Variants in IKBKB observed in about 807,000 individuals in gnomAD.
The protein encoded by IKBKB is inhibitor of nuclear factor kappa-B kinase subunit beta.
In IKBKB, 42 loss-of-function variants were observed where a neutral mutation model predicts 113.6. The observed-to-expected ratio is 0.37, with a 90% CI of 0.29 to 0.48. IKBKB has a LOEUF of 0.48. Ranked by LOEUF, IKBKB falls within the 20% of genes least tolerant of loss-of-function variation. The pLI is 0.99. For synonymous variants in IKBKB, 296 were observed against 361.3 expected (o/e 0.82, Z 2.05); for missense variants, 673 against 939.7 (o/e 0.72, Z 3.71).
intron 2 of IKBKB, among the ~76,000 whole-genome samples, chr8:42,283,804 T>A (rs1810831772): frequency 6.6e-6 from 1 of 152,240 alleles, no homozygotes; most frequent in African/African-American, 2.4e-5. Context: ...GTATTGAAGT[T>A]ACGTTGCTGC....
chr8:42,290,784 T>C (rs1812459118), intron 4 of IKBKB, among the ~76,000 whole-genome samples: 1 of 152,114 alleles, frequency 6.6e-6, no homozygotes, highest in Non-Finnish European at 1.5e-5. Context: ...ATCCATCCGA[T>C]CCACCTGACC....
At chr8:42,298,536 C>G (rs1167730780) in intron 5 of IKBKB, 2 of 928,374 alleles carry the variant, frequency 2.2e-6, no homozygotes, top group African/African-American at 3.6e-5. Context: ...CCATTGCATG[C>G]ATCCATCTGA....
chr8:42,300,273 T>C (rs371705197), intron 5 of IKBKB, among the ~76,000 whole-genome samples: 2 of 152,096 alleles, frequency 1.3e-5, no homozygotes, highest in African/African-American at 4.8e-5. Context: ...AGGCAGTAGG[T>C]TTTACTGAGG....
intron 5 of IKBKB, among the ~76,000 whole-genome samples, chr8:42,301,478 T>C (rs543495403): frequency 6.6e-6 from 1 of 152,374 alleles, no homozygotes; most frequent in African/African-American, 2.4e-5. Flanking sequence ...ACAGTGATAC[T>C]GAACCAAGCT....
At chr8:42,314,581 C>A (rs1585749231) in intron 9 of IKBKB, 152 bp downstream of exon 9, 1 of 610,660 alleles carries the variant, frequency 1.6e-6, no homozygotes, top group East Asian at 3.1e-5. Context: ...TCAAGACCAG[C>A]CTGGCCAACA....
intron 2 of IKBKB, among the ~76,000 whole-genome samples, chr8:42,285,067 G>A (rs1811147674): frequency 6.6e-6 from 1 of 151,932 alleles, no homozygotes; most frequent in Admixed American, 6.6e-5. Flanking sequence ...TGTTGGCCAG[G>A]CTGGTCTCGA....
rs112094927 is a variant in IKBKB, at chr8:42,306,809, G to A, written c.567+377G>A. 4.7e-4 allele frequency among the ~76,000 whole-genome samples: 71 copies of A among 152,312 alleles called. 2 individuals are homozygous for A. Among genetic ancestry groups the A allele is most frequent in the African/African-American group, 1.5e-3 (63 of 41,568 alleles). On this transcript the variant is annotated intron_variant, in intron 7 of 21. Transcript: ENST00000520810. The stretch of plus-strand genomic sequence containing the variant: ...CAGGCAGGAGCCACTGAGCCTGGCC[G>A]AGGCCACACTTTCCATGAGGTATTT...
chr8:42,293,381 T>C, intron 4 of IKBKB, 62 bp from the exon 5 acceptor site: 3 of 1,603,594 alleles, frequency 1.9e-6, no homozygotes, highest in Non-Finnish European at 2.6e-6. Context: ...GTAAGAGACA[T>C]GTGTGGATTT....
chr8:42,321,039 TAA>T (rs1231371902), intron 16 of IKBKB, 195 bp downstream of exon 16: 13 of 481,166 alleles, frequency 2.7e-5, no homozygotes, highest in African/African-American at 2.2e-4. Context: ...AAAACAGTCT[TAA>T]GTCACGAAGT....
intron 2 of IKBKB, among the ~76,000 whole-genome samples, chr8:42,284,883 G>A (rs1811107324): frequency 7.6e-6 from 1 of 132,116 alleles, no homozygotes; most frequent in Non-Finnish European, 1.6e-5. Flanking sequence ...TTGAGACAGA[G>A]TCTCACTCTG....
At chr8:42,320,426 G>A (rs1242837517) in intron 15 of IKBKB, 1 of 283,354 alleles carries the variant, frequency 3.5e-6, no homozygotes, top group Non-Finnish European at 6.7e-6. Context: ...TGTATGCCAG[G>A]CACCATGCCA....
Position 42,306,345 on chromosome 8 carries a change from A to T in IKBKB, c.480A>T (p.Leu160Phe). The T allele has an allele frequency of 6.3e-7, 1 of 1,596,946 alleles. No individual in the cohort carries two copies. The highest frequency in any genetic ancestry group is 8.6e-7 in the Non-Finnish European group (1 of 1,164,502). Reference sequence around the variant, plus strand: ...CTTTCTCCTTCCTTTTGTTTTAGTTAATACACAAAATTATTGACCTAGGAT... The same window carrying T: ...CTTTCTCCTTCCTTTTGTTTTAGTTTATACACAAAATTATTGACCTAGGAT... ...NIVLQQGEQR[L>F]IHKIIDLGYA... The change falls in exon 7 of 22, where the codon TTA (leucine) becomes TTT (phenylalanine). Residue 160 changes from leucine (L) to phenylalanine (F), a missense_variant and splice_region_variant. By Grantham distance (22) the Leu-to-Phe change is conservative. Transcript: ENST00000520810.
chr8:42,312,957 C>T (rs940823030), intron 8 of IKBKB, among the ~76,000 whole-genome samples: 1 of 152,350 alleles, frequency 6.6e-6, no homozygotes, highest in Non-Finnish European at 1.5e-5. Context: ...GATTCTGCTA[C>T]TCTGTTGTGT....
chr8:42,300,336 A>G (rs1814919746), intron 5 of IKBKB, among the ~76,000 whole-genome samples: 1 of 152,320 alleles, frequency 6.6e-6, no homozygotes, highest in African/African-American at 2.4e-5. Flanking sequence ...ATTACCAGCC[A>G]GTTGACAACC....
Position 42,303,088 on chromosome 8 carries a change from AGAAT to A in IKBKB, c.389-2096_389-2093del, listed in dbSNP as rs1172223792. Reference sequence around the variant, plus strand: ...GAGAGAGAGAGAGAGAGAGAGAGAGAGAATGAGAGAGAGAGAGAGAGAGAGAGAG... The same window carrying A: ...GAGAGAGAGAGAGAGAGAGAGAGAGAGAGAGAGAGAGAGAGAGAGAGAGAG... On this transcript the variant is annotated intron_variant, in intron 5 of 21. Transcript: ENST00000520810. Among the ~76,000 whole-genome samples, 703 of 129,852 alleles carry A rather than the reference AGAAT, an allele frequency of 5.4e-3. 4 individuals are homozygous for A. Among genetic ancestry groups the A allele is most frequent in the Non-Finnish European group, 8.4e-3 (542 of 64,522 alleles). The allele number at this position is 129,852 out of a possible 152,430, so 85.2% of individuals were successfully genotyped here. A position where few individuals can be genotyped will look rare whatever the true frequency, so the allele number is the denominator to read the frequency against.
At chr8:42,281,307 C>A (rs1283432340) in intron 2 of IKBKB, among the ~76,000 whole-genome samples, 1 of 152,194 alleles carries the variant, frequency 6.6e-6, no homozygotes, top group Non-Finnish European at 1.5e-5. Context: ...AGGCTGCGGT[C>A]GTTTATTCCC....
chr8:42,318,984 G>A (rs149241420), intron 13 of IKBKB: 13 of 540,234 alleles, frequency 2.4e-5, no homozygotes, highest in South Asian at 9.1e-5. Flanking sequence ...TCCCCTGACC[G>A]TGCTGCTGGG....
chr8:42,279,429 A>G (rs1432402115), intron 2 of IKBKB, among the ~76,000 whole-genome samples: 1 of 152,246 alleles, frequency 6.6e-6, no homozygotes, highest in Middle Eastern at 3.2e-3. Flanking sequence ...TTATCACAAT[A>G]GAAGTTACAT....
At position 42,331,979 on chromosome 8, in the gene IKBKB, A is replaced by G. The variant is rs1424741530; in HGVS notation, c.*1000A>G. ...TCCACAATCCACTGTTAGAATACCT[A>G]TGGTTAGGGCTTCTGAACTAAAATA... On this transcript the variant is annotated 3_prime_UTR_variant, in exon 22 of 22. Transcript: ENST00000520810. 6.4e-6 allele frequency: 1 copy of G among 157,222 alleles called. No individual in the cohort carries two copies. The highest frequency in any genetic ancestry group is 1.4e-5 in the Non-Finnish European group (1 of 70,566). The allele number at this position is 157,222 out of a possible 1,614,324, so 9.7% of individuals were successfully genotyped here. A position where few individuals can be genotyped will look rare whatever the true frequency, so the allele number is the denominator to read the frequency against.
Sources: gnomAD v4.1 joint callset for allele counts (sites outside exome capture counted in the v4.1 genomes callset) on GRCh38, gnomAD v4.1.1 for gene constraint, MANE v1.5 for transcripts, NCBI Gene and HGNC (gene_info 2026-07-23, HGNC 2026-07-21) for gene names.